The following WWOX variants were observed in gnomAD, a reference collection of about 807,000 sequenced individuals.
The protein encoded by WWOX is WW domain containing oxidoreductase.
Under a neutral mutation model 46.2 loss-of-function variants are expected in WWOX, and 69 were observed. That is an observed-to-expected ratio of 1.49 (90% CI 1.23 to 1.82). The LOEUF is 1.82. WWOX is among the 40% of genes most tolerant of loss of function. The pLI, the probability that WWOX is intolerant of heterozygous loss-of-function variation, is 0.00. For missense variants in WWOX, 919 were observed against 542.6 expected, an observed-to-expected ratio of 1.69 and a Z score of -6.89; for synonymous variants, 359 against 202.6, an observed-to-expected ratio of 1.77 and a Z score of -6.56.
intron 5 of WWOX, chr16:78,355,567 T>G: frequency 2.1e-6 from 1 of 467,242 alleles, no homozygotes; most frequent in Non-Finnish European, 4.2e-6. Context: ...CTACCAACAC[T>G]GTGGAGGATC....
chr16:78,259,755 T>A (rs1302653212), intron 5 of WWOX, among the ~76,000 whole-genome samples: 10 of 151,286 alleles, frequency 6.6e-5, no homozygotes, highest in Non-Finnish European at 1.5e-4. Context: ...AATTTGGAGA[T>A]CTCTATCAAA....
intron 8 of WWOX, among the ~76,000 whole-genome samples, chr16:78,956,984 C>G (rs75621947): frequency 0.043 from 6,575 of 152,248 alleles, 486 homozygotes; most frequent in African/African-American, 0.15. Context: ...TCGGTGAGAA[C>G]AAATTTCCTG....
intron 8 of WWOX, among the ~76,000 whole-genome samples, chr16:79,117,959 G>A (rs1484749145): frequency 1.3e-5 from 2 of 152,298 alleles, no homozygotes; most frequent in South Asian, 2.1e-4. Flanking sequence ...GGGTGATAAC[G>A]CTGTTTTGGT....
intron 8 of WWOX, among the ~76,000 whole-genome samples, chr16:78,904,076 A>C (rs2044897138): frequency 6.6e-6 from 1 of 152,136 alleles, no homozygotes; most frequent in African/African-American, 2.4e-5. Flanking sequence ...CACGTACAAA[A>C]GGGATCAGGG....
chr16:79,024,498 A>G (rs141134413), intron 8 of WWOX, among the ~76,000 whole-genome samples: 7,194 of 152,080 alleles, frequency 0.047, 221 homozygotes, highest in South Asian at 0.16. Context: ...CAGTGGTGCT[A>G]TCTCAGCTCA....
intron 8 of WWOX, chr16:78,525,288 C>G (rs545975953): frequency 6.7e-6 from 1 of 150,364 alleles, no homozygotes; most frequent in African/African-American, 2.5e-5. Context: ...TAGGCTCATG[C>G]CATTGTCCTC....
At chr16:79,133,017 G>A (rs1247930886) in intron 8 of WWOX, among the ~76,000 whole-genome samples, 4 of 152,150 alleles carry the variant, frequency 2.6e-5, no homozygotes, top group Non-Finnish European at 5.9e-5. Context: ...ACAGCTCTGT[G>A]AGATTTTCCT....
intron 8 of WWOX, among the ~76,000 whole-genome samples, chr16:78,974,646 C>G (rs1448452719): frequency 6.6e-6 from 1 of 152,194 alleles, no homozygotes; most frequent in African/African-American, 2.4e-5. Flanking sequence ...TCACCCGATG[C>G]AACTGTCTGT....
intron 8 of WWOX, among the ~76,000 whole-genome samples, chr16:78,657,220 A>G (rs1417085403): frequency 6.6e-6 from 1 of 151,694 alleles, no homozygotes; most frequent in Admixed American, 6.6e-5. Context: ...CATCTCCACC[A>G]TCACCCCTTT....
At chr16:78,823,866 C>G (rs1017249586) in intron 8 of WWOX, among the ~76,000 whole-genome samples, 9 of 151,812 alleles carry the variant, frequency 5.9e-5, no homozygotes, top group Admixed American at 5.9e-4. Context: ...ACCTCCAATG[C>G]CTGGGTTTAA....
chr16:78,298,617 C>A (rs902042563), intron 5 of WWOX, among the ~76,000 whole-genome samples: 2 of 152,112 alleles, frequency 1.3e-5, no homozygotes, highest in Non-Finnish European at 2.9e-5. Flanking sequence ...CATGGAGAAA[C>A]CTTGCCTCTA....
At chr16:78,663,123 A>G (rs1285496967) in intron 8 of WWOX, among the ~76,000 whole-genome samples, 1 of 152,004 alleles carries the variant, frequency 6.6e-6, no homozygotes, top group African/African-American at 2.4e-5. Context: ...TATCACCCCT[A>G]AAAGAAACCC....
chr16:78,175,297 C>A (rs1352735292), intron 5 of WWOX, among the ~76,000 whole-genome samples: 1 of 152,078 alleles, frequency 6.6e-6, no homozygotes, highest in African/African-American at 2.4e-5. Flanking sequence ...GTTCTGAAGA[C>A]CCTGTAAAAG....
At chr16:79,179,391 C>T (rs561964076) in intron 8 of WWOX, among the ~76,000 whole-genome samples, 4 of 152,288 alleles carry the variant, frequency 2.6e-5, no homozygotes, top group African/African-American at 7.2e-5. Flanking sequence ...GTACACTTTC[C>T]ACCCTCCCCA....
chr16:78,957,312 C>T (rs1430470010), intron 8 of WWOX, among the ~76,000 whole-genome samples: 1 of 152,218 alleles, frequency 6.6e-6, no homozygotes, highest in Non-Finnish European at 1.5e-5. Context: ...AACTTAGCAT[C>T]TAATGATGCT....
chr16:78,580,952 C>G (rs557577898), intron 8 of WWOX, among the ~76,000 whole-genome samples: 1 of 152,114 alleles, frequency 6.6e-6, no homozygotes. Context: ...TATCTGTGAA[C>G]CCTTCGCAAA....
chr16:78,605,472 T>C (rs1352992694), intron 8 of WWOX, among the ~76,000 whole-genome samples: 1 of 152,166 alleles, frequency 6.6e-6, no homozygotes, highest in African/African-American at 2.4e-5. Flanking sequence ...CAGCCTATTT[T>C]TTTTTTCTTT....
intron 8 of WWOX, among the ~76,000 whole-genome samples, chr16:78,649,652 C>G (rs1000452981): frequency 6.6e-6 from 1 of 152,196 alleles, no homozygotes; most frequent in Non-Finnish European, 1.5e-5. Context: ...TCCCTTCTGT[C>G]CTTTACTTAT....
chr16:78,620,067 C>G (rs561322916), intron 8 of WWOX, among the ~76,000 whole-genome samples: 24 of 152,244 alleles, frequency 1.6e-4, no homozygotes, highest in African/African-American at 5.3e-4. Context: ...AAGATCATCT[C>G]TAATTAATAA....
Sources: allele counts gnomAD v4.1 joint callset (sites outside exome capture counted in the v4.1 genomes callset), GRCh38; gene constraint gnomAD v4.1.1; transcripts MANE v1.5; gene names NCBI Gene and HGNC (gene_info 2026-07-23, HGNC 2026-07-21).